USH2A: variants seen among roughly 807,000 people sequenced by gnomAD.
USH2A encodes the protein Usher syndrome 2A (autosomal recessive, mild).
USH2A carries 443 observed loss-of-function variants against 538.9 expected under a neutral mutation model. The ratio of observed to expected loss-of-function variants is 0.82; its 90% CI spans 0.76 to 0.89. The LOEUF (loss-of-function observed/expected upper bound fraction) is 0.89. USH2A is among the 40% of genes least tolerant of loss of function. USH2A has a pLI of 0.00. For synonymous variants in USH2A, 2,413 were observed against 2,273.5 expected, an observed-to-expected ratio of 1.06 and a Z score of -1.75; for missense variants, 6,633 against 6,324.8, an observed-to-expected ratio of 1.05 and a Z score of -1.65.
chr1:215,875,915 T>TG (rs1215231454), intron 43 of USH2A, among the ~76,000 whole-genome samples: 6 of 143,274 alleles, frequency 4.2e-5, no homozygotes, highest in African/African-American at 1.5e-4. Context: ...TATAAATATA[T>TG]AATATATATT....
intron 58 of USH2A, among the ~76,000 whole-genome samples, chr1:215,754,387 A>G (rs908785814): frequency 6.6e-6 from 1 of 152,204 alleles, no homozygotes; most frequent in African/African-American, 2.4e-5. Flanking sequence ...CATTAGAACA[A>G]TAGTTTGAAA....
intron 42 of USH2A, 34 bp downstream of exon 42, chr1:215,878,729 AC>A: frequency 6.2e-7 from 1 of 1,600,556 alleles, no homozygotes. Context: ...GATAAGGACT[AC>A]AGCAACATAA....
intron 10 of USH2A, among the ~76,000 whole-genome samples, chr1:216,290,100 T>C (rs2102607547): frequency 6.6e-6 from 1 of 152,238 alleles, no homozygotes; most frequent in Non-Finnish European, 1.5e-5. Flanking sequence ...AAACCTAAAC[T>C]ACAAGGAATT....
chr1:216,029,028 T>C (rs1008058402), intron 32 of USH2A, among the ~76,000 whole-genome samples: 2 of 152,104 alleles, frequency 1.3e-5, no homozygotes, highest in Admixed American at 1.3e-4. Context: ...TTTATATTTT[T>C]CCAAGTTTTC....
At position 215,889,016 on chromosome 1, in the gene USH2A, T is replaced by C. The variant is rs774559456; in HGVS notation, c.7633A>G (p.Lys2545Glu). 6.2e-7 allele frequency: 1 copy of C among 1,614,000 alleles called. No individual in the cohort carries two copies. Among genetic ancestry groups the C allele is most frequent in the Admixed American group, 1.7e-5 (1 of 60,020 alleles). ...PVVPPILLDV[K>E]SRMMLVTWQH... The stretch of plus-strand genomic sequence containing the variant: ...CAGGTGACCAACATCATTCTTGACT[T>C]CACATCCAGAAGAATCGGAGGAACT... Residue 2545 changes from lysine (K) to glutamate (E), a missense_variant, in exon 41 of 72, where the codon AAG becomes GAG. Coordinates refer to ENST00000307340, the MANE Select transcript of USH2A (RefSeq NM_206933.4).
intron 21 of USH2A, among the ~76,000 whole-genome samples, chr1:216,164,669 G>A (rs2034132877): frequency 6.6e-6 from 1 of 152,090 alleles, no homozygotes; most frequent in Non-Finnish European, 1.5e-5. Context: ...CAAAAAACAG[G>A]TCAGAGGTTC....
intron 43 of USH2A, among the ~76,000 whole-genome samples, chr1:215,872,331 T>C (rs1316789956): frequency 1.3e-5 from 2 of 152,230 alleles, no homozygotes; most frequent in African/African-American, 4.8e-5. Context: ...AAAAATAGTA[T>C]TGAAGATTTT....
intron 32 of USH2A, among the ~76,000 whole-genome samples, chr1:216,031,931 G>T (rs1401531511): frequency 6.6e-6 from 1 of 152,158 alleles, no homozygotes; most frequent in East Asian, 1.9e-4. Flanking sequence ...TAAAGCCTGT[G>T]AACATTCTTC....
Position 216,133,811 on chromosome 1 carries a change from C to T in USH2A, c.4628-36598G>A, listed in dbSNP as rs143639114. On this transcript the variant is annotated intron_variant, in intron 21 of 71. Coordinates refer to ENST00000307340, the MANE Select transcript of USH2A (RefSeq NM_206933.4). ...TATTGCTTAAAATATGAATGATTAC[C>T]ATGTATATGTCTGACTAATTCTGAA... is the stretch of plus-strand genomic sequence containing the variant. 6.6e-3 allele frequency among the ~76,000 whole-genome samples: 999 copies of T among 152,090 alleles called. 8 individuals carry two copies. Among genetic ancestry groups the T allele is most frequent in the Middle Eastern group, 0.021 (6 of 292 alleles).
intron 21 of USH2A, chr1:216,173,888 G>T: frequency 1.1e-6 from 1 of 876,222 alleles, no homozygotes; most frequent in African/African-American, 1.8e-5. Flanking sequence ...ATTTTCATTT[G>T]AGAAAAGAGT....
chr1:216,276,907 G>A (rs2036680741), intron 11 of USH2A, among the ~76,000 whole-genome samples: 1 of 152,104 alleles, frequency 6.6e-6, no homozygotes. Context: ...GCTATTAGAT[G>A]AGATTTGGGT....
At chr1:215,680,897 G>A (rs1053041245) in intron 61 of USH2A, among the ~76,000 whole-genome samples, 3 of 151,914 alleles carry the variant, frequency 2.0e-5, no homozygotes, top group African/African-American at 4.8e-5. Context: ...TATATCTTAC[G>A]AATTCAATAA....
intron 3 of USH2A, among the ~76,000 whole-genome samples, chr1:216,370,210 A>T (rs1355180662): frequency 6.6e-6 from 1 of 151,300 alleles, no homozygotes; most frequent in Non-Finnish European, 1.5e-5. Context: ...AATACAAAAA[A>T]ATTAGCCAGT....
intron 21 of USH2A, among the ~76,000 whole-genome samples, chr1:216,097,953 G>A (rs2032483643): frequency 1.5e-5 from 2 of 131,886 alleles, no homozygotes; most frequent in Non-Finnish European, 1.6e-5. Flanking sequence ...TCCTATGAAT[G>A]ATGCCTCCCC....
chr1:215,903,158 G>A (rs956976951), intron 38 of USH2A, among the ~76,000 whole-genome samples: 1 of 152,080 alleles, frequency 6.6e-6, no homozygotes, highest in East Asian at 1.9e-4. Context: ...AAGGAAGAAC[G>A]TATCAGCTGT....
intron 47 of USH2A, among the ~76,000 whole-genome samples, chr1:215,821,612 C>T (rs182950827): frequency 8.9e-4 from 135 of 151,660 alleles, no homozygotes; most frequent in Non-Finnish European, 1.6e-3. Flanking sequence ...GCTTTTTAGC[C>T]TGATGTAATC....
At chr1:216,302,775 G>A (rs1474649480) in intron 9 of USH2A, among the ~76,000 whole-genome samples, 1 of 151,974 alleles carries the variant, frequency 6.6e-6, no homozygotes, top group Non-Finnish European at 1.5e-5. Flanking sequence ...TGGAAGATTG[G>A]AAAATTATCC....
intron 58 of USH2A, among the ~76,000 whole-genome samples, chr1:215,746,391 GATTC>G (rs1394649885): frequency 2.0e-5 from 3 of 152,148 alleles, no homozygotes; most frequent in Admixed American, 1.3e-4. Flanking sequence ...GTAAAGTAAA[GATTC>G]ATTAAGTGTG....
intron 4 of USH2A, among the ~76,000 whole-genome samples, chr1:216,348,960 G>A (rs534503455): frequency 9.9e-5 from 15 of 152,070 alleles, no homozygotes; most frequent in Non-Finnish European, 1.9e-4. Context: ...TATTAGCTTG[G>A]TTCTAACAAT....
Sources: gnomAD v4.1 joint callset for allele counts (sites outside exome capture counted in the v4.1 genomes callset) on GRCh38, gnomAD v4.1.1 for gene constraint, MANE v1.5 for transcripts, NCBI Gene and HGNC (gene_info 2026-07-23, HGNC 2026-07-21) for gene names.